DLG5: variants seen among roughly 807,000 people sequenced by gnomAD.
DLG5 encodes the protein discs large MAGUK scaffold protein 5.
In DLG5, 48 loss-of-function variants were observed where a neutral mutation model predicts 189.8. The observed-to-expected ratio is 0.25, with a 90% CI of 0.20 to 0.32. The LOEUF (loss-of-function observed/expected upper bound fraction) is 0.32. Ranked by LOEUF, DLG5 falls within the 10% of genes least tolerant of loss-of-function variation. DLG5 has a pLI of 1.00. For synonymous variants in DLG5, 1,016 were observed against 1,054.1 expected, an observed-to-expected ratio of 0.96 and a Z score of 0.70; for missense variants, 2,160 against 2,544.7, an observed-to-expected ratio of 0.85 and a Z score of 3.25.
intron 9 of DLG5, among the ~76,000 whole-genome samples, chr10:77,831,497 A>G (rs1842895351): frequency 6.6e-6 from 1 of 152,274 alleles, no homozygotes; most frequent in Non-Finnish European, 1.5e-5. Flanking sequence ...AAAAGGCATC[A>G]GAATCACTAA....
At chr10:77,938,359 A>T in the DLG5 span, among the ~76,000 whole-genome samples, 2 of 152,128 alleles carry the variant, frequency 1.3e-5, no homozygotes, top group Admixed American at 1.3e-4. Flanking sequence ...TGAGCCCAGG[A>T]GGTCAAGGCT....
chr10:77,807,855 C>A lies in DLG5; in HGVS notation c.4737G>T (p.Gln1579His). ...CCTTCGTGAACTCCTCAGGGCGGTA[C>A]TGCACCTTCAGGCGGACGCCATCCC... ...KPRDGVRLKV[Q>H]YRPEEFTKAK... Residue 1579 changes from glutamine to histidine, a missense_variant, in exon 25 of 32, where the codon CAG (glutamine) becomes CAT (histidine). By Grantham distance (24) the Gln-to-His change is conservative. Coordinates refer to ENST00000372391, the MANE Select transcript of DLG5 (RefSeq NM_004747.4). 6.2e-7 allele frequency: 1 copy of A among 1,614,238 alleles called. No homozygotes were observed. The highest frequency in any genetic ancestry group is 8.5e-7 in the Non-Finnish European group (1 of 1,180,040).
At chr10:77,898,458 G>A (rs1845829370) in intron 1 of DLG5, among the ~76,000 whole-genome samples, 1 of 152,252 alleles carries the variant, frequency 6.6e-6, no homozygotes, top group African/African-American at 2.4e-5. Context: ...GGCACACAGG[G>A]AGCAAAAGGA....
intron 2 of DLG5, among the ~76,000 whole-genome samples, chr10:77,859,632 G>A (rs769422525): frequency 2.2e-4 from 34 of 152,224 alleles, no homozygotes; most frequent in Non-Finnish European, 3.7e-4. Flanking sequence ...GCCTAGGTAT[G>A]GGGTAGATAC....
intron 15 of DLG5, 99 bp downstream of exon 15, chr10:77,820,983 G>T: frequency 1.4e-6 from 2 of 1,456,630 alleles, no homozygotes. Flanking sequence ...AGGCTAAACA[G>T]GGGCCTGGGA....
rs571938257 is a variant in DLG5 at position 77,905,034 on chromosome 10, AAGGAGAATCACTTGAACCCGGG to A, written c.304+21161_304+21182del. On this transcript the variant is annotated intron_variant, in intron 1 of 31. Coordinates refer to ENST00000372391, the MANE Select transcript of DLG5 (RefSeq NM_004747.4). ...ATCCCAGCTACTCGGGAGGCTGAGG[AAGGAGAATCACTTGAACCCGGG>A]AGGCAGAAGTTGCAGTGAGCCGAGA... Among the ~76,000 whole-genome samples the A allele has an allele frequency of 9.3e-3, 1,411 of 151,644 alleles. 19 individuals are homozygous for A. The highest frequency in any genetic ancestry group is 0.032 in the African/African-American group (1,326 of 41,338).
chr10:77,868,035 A>G (rs1844755318), intron 2 of DLG5: 1 of 456,616 alleles, frequency 2.2e-6, no homozygotes, highest in Non-Finnish European at 4.4e-6. Context: ...GCAAGCCACC[A>G]GAAGCGAGGA....
chr10:77,794,220 C>T (rs759466516), intron 30 of DLG5, 103 bp from the exon 31 acceptor site: 330 of 971,442 alleles, frequency 3.4e-4, no homozygotes, highest in Non-Finnish European at 5.0e-4. Context: ...CAGGGGTAGG[C>T]TGTGGAGGGA....
At chr10:77,811,064 C>A in intron 23 of DLG5, 30 bp downstream of exon 23, 1 of 1,604,760 alleles carries the variant, frequency 6.2e-7, no homozygotes, top group Non-Finnish European at 8.5e-7. Context: ...GAAGCGGACA[C>A]AGGGAAGGCT....
At position 77,923,008 on chromosome 10, in the gene DLG5, G is replaced by A. The variant is rs530191932; in HGVS notation, c.304+3209C>T. 2.6e-5 allele frequency among the ~76,000 whole-genome samples: 4 copies of A among 152,344 alleles called. No individual in the cohort carries two copies. In the South Asian group the frequency reaches 6.2e-4, roughly 24 times the overall value. The stretch of plus-strand genomic sequence containing the variant: ...AGGCCCCACGTGGTAGGCTGCTGCC[G>A]ATGCAGACTCCCTCAGCACCCAAGT... On this transcript the variant is annotated intron_variant, in intron 1 of 31. Transcript: ENST00000372391.
chr10:77,802,562 G>C (rs982263696), intron 27 of DLG5, among the ~76,000 whole-genome samples: 2 of 152,250 alleles, frequency 1.3e-5, no homozygotes, highest in African/African-American at 2.4e-5. Context: ...GACAGACTGA[G>C]TCAGAGTTAA....
Position 77,835,098 on chromosome 10 carries a change from G to A in DLG5, c.1622+640C>T, listed in dbSNP as rs146791041. Reference sequence around the variant, plus strand: ...CTCTACACCTGCCCCTGGGAATCTCGCCAGCCTGCCCTCCCCACGACTTGC... The same window carrying A: ...CTCTACACCTGCCCCTGGGAATCTCACCAGCCTGCCCTCCCCACGACTTGC... On this transcript the variant is annotated intron_variant, in intron 8 of 31. Coordinates refer to ENST00000372391, the MANE Select transcript of DLG5 (RefSeq NM_004747.4). 2.2e-3 allele frequency among the ~76,000 whole-genome samples: 333 copies of A among 152,032 alleles called. 1 individual carries two copies. Among genetic ancestry groups the A allele is most frequent in the African/African-American group, 7.3e-3 (301 of 41,456 alleles).
At chr10:77,841,818 C>A (rs1364001871) in intron 7 of DLG5, 63 bp downstream of exon 7, 2 of 1,550,548 alleles carry the variant, frequency 1.3e-6, no homozygotes, top group African/African-American at 2.7e-5. Context: ...ACGCACTCTG[C>A]AGCCCCTCTT....
intron 1 of DLG5, among the ~76,000 whole-genome samples, chr10:77,910,162 T>C (rs1239614932): frequency 1.3e-5 from 2 of 152,208 alleles, no homozygotes; most frequent in African/African-American, 2.4e-5. Flanking sequence ...AATGGACGAA[T>C]GCTGTGACGA....
intron 29 of DLG5, 140 bp downstream of exon 29, chr10:77,795,921 G>A (rs1238441626): frequency 7.8e-6 from 10 of 1,286,228 alleles, no homozygotes; most frequent in Middle Eastern, 5.4e-4. Context: ...CCAGGCACAG[G>A]TGAACTCAGA....
chr10:77,800,578 G>T (rs953010052), intron 27 of DLG5, among the ~76,000 whole-genome samples: 28 of 152,178 alleles, frequency 1.8e-4, no homozygotes, highest in African/African-American at 6.8e-4. Flanking sequence ...GCTGAGGGCT[G>T]AGAACCCACG....
intron 1 of DLG5, among the ~76,000 whole-genome samples, chr10:77,871,809 C>T (rs1035125581): frequency 1.3e-5 from 2 of 152,056 alleles, no homozygotes; most frequent in Non-Finnish European, 2.9e-5. Context: ...TCCCAAAGTG[C>T]TAGGATTACA....
At chr10:77,913,372 A>G (rs1589278124) in intron 1 of DLG5, among the ~76,000 whole-genome samples, 1 of 152,236 alleles carries the variant, frequency 6.6e-6, no homozygotes. Context: ...CCTGATTTTA[A>G]TAAGCCACCA....
intron 1 of DLG5, among the ~76,000 whole-genome samples, chr10:77,919,825 G>A (rs953778025): frequency 3.9e-5 from 6 of 151,970 alleles, no homozygotes; most frequent in Admixed American, 6.6e-5. Context: ...TACCGTGGGC[G>A]GTGATATCCC....
Sources: gnomAD v4.1 joint callset for allele counts (sites outside exome capture counted in the v4.1 genomes callset) on GRCh38, gnomAD v4.1.1 for gene constraint, MANE v1.5 for transcripts, NCBI Gene and HGNC (gene_info 2026-07-23, HGNC 2026-07-21) for gene names.